Variants in PIK3C2B observed in about 807,000 individuals in gnomAD.
PIK3C2B encodes the protein phosphatidylinositol-4-phosphate 3-kinase catalytic subunit type 2 beta.
PIK3C2B carries 83 observed loss-of-function variants against 184.3 expected under a neutral mutation model. That is an observed-to-expected ratio of 0.45 (90% CI 0.38 to 0.54). The LOEUF (loss-of-function observed/expected upper bound fraction) is 0.54. Among genes scored for constraint, PIK3C2B ranks in the 20% least tolerant of loss-of-function variants. The pLI, the probability that PIK3C2B is intolerant of heterozygous loss-of-function variation, is 0.00. For synonymous variants in PIK3C2B, 779 were observed against 837.6 expected (o/e 0.93, Z 1.21); for missense variants, 1,736 against 2,113.5 (o/e 0.82, Z 3.50).
chr1:204,435,248 T>C (rs1186658492), intron 23 of PIK3C2B: 1 of 152,200 alleles, frequency 6.6e-6, no homozygotes, highest in Non-Finnish European at 1.5e-5. Context: ...TAGAGATATT[T>C]CTGAGTTTAA....
In PIK3C2B at chr1:204,447,672, C is replaced by T. The variant is rs1653997650; in HGVS notation, c.2347-94G>A. The T allele has an allele frequency of 1.2e-6, 1 of 853,656 alleles. No individual in the cohort carries two copies. The highest frequency in any genetic ancestry group is 1.9e-6 in the Non-Finnish European group (1 of 532,122). The allele number at this position is 853,656 out of a possible 1,614,324, so 52.9% of individuals were successfully genotyped here. ...CTCACCCCAGCATTCCGGCCTTGTCCCTCCCTCACTTTCCCTCAGGTTCTT... is the reference window on the plus strand; with the variant it reads ...CTCACCCCAGCATTCCGGCCTTGTCTCTCCCTCACTTTCCCTCAGGTTCTT... On this transcript the variant is annotated intron_variant, in intron 14 of 32. Transcript: ENST00000684373. This position sits in a 1 kb window ranked among gnomAD's most constrained non-coding sequence, Gnocchi z 4.1.
Position 204,455,880 on chromosome 1 carries a change from CGGTGG to C in PIK3C2B, c.1914_1918del (p.Arg640ProfsTer9). 1 of 1,612,466 alleles carries C rather than the reference CGGTGG, an allele frequency of 6.2e-7. No individual in the cohort carries two copies. Among genetic ancestry groups the C allele is most frequent in the Non-Finnish European group, 8.5e-7 (1 of 1,179,056 alleles). On this transcript the variant is annotated frameshift_variant, in exon 11 of 33. Transcript: ENST00000684373. LOFTEE classifies it high-confidence loss of function. ...CCTGGTAGCCCAGATGATGGGGATG[CGGTGG>C]GTGGCATAGACAGTGAAGGCCAGGG...
chr1:204,455,702 C>T (rs1368342048), intron 11 of PIK3C2B, among the ~76,000 whole-genome samples, 154 bp downstream of exon 11: 3 of 152,208 alleles, frequency 2.0e-5, no homozygotes, highest in Non-Finnish European at 4.4e-5. Flanking sequence ...TCCTCAGGCA[C>T]TTGGCTCACC....
intron 16 of PIK3C2B, 104 bp from the exon 17 acceptor site, chr1:204,444,528 A>C: frequency 1.3e-6 from 1 of 751,686 alleles, no homozygotes; most frequent in Non-Finnish European, 2.3e-6. Flanking sequence ...GAGAAAGAAA[A>C]TGCAATGGCC....
rs1653630103 is a variant in PIK3C2B at position 204,444,108 on chromosome 1, G to A, written c.2827C>T (p.Arg943Ter). 2.5e-6 allele frequency: 4 copies of A among 1,613,708 alleles called. No individual in the cohort carries two copies. Among genetic ancestry groups the A allele is most frequent in the Non-Finnish European group, 3.4e-6 (4 of 1,179,688 alleles). ...GTCACTCTCAAGTCAGACACAGCTC[G>A]TTTCAGGAGGAAGCGCACCAACGGG... The part of the protein sequence containing the change: ...DSPLVRFLLK[R>*]AVSDLRVTHY... The change falls in exon 18 of 33, where the codon CGA becomes TGA. Residue 943 changes from arginine to a stop codon, truncating the protein, a stop_gained. Transcript: ENST00000684373. LOFTEE classifies it high-confidence loss of function.
chr1:204,466,961 C>T (rs547113789), intron 2 of PIK3C2B: 60 of 529,930 alleles, frequency 1.1e-4, no homozygotes, highest in Middle Eastern at 6.5e-4. Flanking sequence ...TGGTATAGGC[C>T]GAGGGCCCAA....
intron 10 of PIK3C2B, 57 bp downstream of exon 10, chr1:204,456,979 GC>G: frequency 6.9e-7 from 1 of 1,453,668 alleles, no homozygotes; most frequent in Non-Finnish European, 9.4e-7. Flanking sequence ...AGGAATCGGG[GC>G]AGAGACTGCA....
chr1:204,449,767 G>T, intron 13 of PIK3C2B, 83 bp downstream of exon 13: 1 of 1,303,336 alleles, frequency 7.7e-7, no homozygotes, highest in Non-Finnish European at 1.0e-6. Flanking sequence ...AAGGCGCACT[G>T]GCCAGTGCAG....
intron 29 of PIK3C2B, 66 bp from the exon 30 acceptor site, chr1:204,428,286 G>T: frequency 1.1e-6 from 1 of 942,250 alleles, no homozygotes; most frequent in South Asian, 1.4e-5. Flanking sequence ...AAAGGAAGGG[G>T]ACTGTTCCAG....
At chr1:204,446,725 G>A (rs148547061) in intron 15 of PIK3C2B, among the ~76,000 whole-genome samples, 7 of 152,258 alleles carry the variant, frequency 4.6e-5, no homozygotes, top group South Asian at 2.1e-4. Flanking sequence ...AAGTGTAGTC[G>A]GCAGAGTGGG....
rs555941207 is a variant in PIK3C2B at position 204,492,115 on chromosome 1, G to A, written c.-85+2241C>T. Among the ~76,000 whole-genome samples, 148 of 152,166 alleles carry A rather than the reference G, an allele frequency of 9.7e-4. 1 individual carries two copies. Among genetic ancestry groups the A allele is most frequent in the Non-Finnish European group, 1.6e-3 (108 of 67,998 alleles). ...TCCCACCCTATCCCCATCCCTCACAGATCTCCCTCCCTTATGTGGGAGGCT... is the reference window on the plus strand; with the variant it reads ...TCCCACCCTATCCCCATCCCTCACAAATCTCCCTCCCTTATGTGGGAGGCT... On this transcript the variant is annotated intron_variant, in intron 1 of 32. Coordinates refer to ENST00000684373, the MANE Select transcript of PIK3C2B (RefSeq NM_001377334.1).
intron 1 of PIK3C2B, among the ~76,000 whole-genome samples, chr1:204,476,330 G>A (rs1032896775): frequency 2.6e-5 from 4 of 152,180 alleles, no homozygotes; most frequent in African/African-American, 9.6e-5. Flanking sequence ...CAAGGACTTT[G>A]GGAAGCCGAG....
Position 204,479,184 on chromosome 1 carries a change from A to G in PIK3C2B, c.-84-9298T>C, listed in dbSNP as rs541445047. ...GAAGAAAAGCTTTGGCAGTACGTGTATTTCTAACCCAGGAATCATCCCAGG... is the reference window on the plus strand; with the variant it reads ...GAAGAAAAGCTTTGGCAGTACGTGTGTTTCTAACCCAGGAATCATCCCAGG... On this transcript the variant is annotated intron_variant, in intron 1 of 32. Transcript: ENST00000684373. 9.2e-5 allele frequency among the ~76,000 whole-genome samples: 14 copies of G among 152,306 alleles called. No homozygotes were observed. In the South Asian group the frequency reaches 2.3e-3, roughly 25 times the overall value.
intron 1 of PIK3C2B, among the ~76,000 whole-genome samples, chr1:204,472,984 C>T (rs1397922700): frequency 6.6e-6 from 1 of 152,196 alleles, no homozygotes; most frequent in Non-Finnish European, 1.5e-5. Flanking sequence ...TTAGCATCAG[C>T]AGCCAAGAGG....
At chr1:204,476,128 G>T (rs1656689505) in intron 1 of PIK3C2B, among the ~76,000 whole-genome samples, 1 of 152,222 alleles carries the variant, frequency 6.6e-6, no homozygotes, top group Admixed American at 6.5e-5. Context: ...TTGAAACACA[G>T]CGACCTGGCT....
chr1:204,493,750 G>A (rs1658169874), intron 1 of PIK3C2B, among the ~76,000 whole-genome samples: 1 of 152,128 alleles, frequency 6.6e-6, no homozygotes, highest in Admixed American at 6.5e-5. Context: ...TGAAAATGAG[G>A]GACAAGTATA....
intron 23 of PIK3C2B, among the ~76,000 whole-genome samples, chr1:204,437,794 G>GA (rs1558237065): frequency 2.6e-5 from 4 of 152,192 alleles, no homozygotes; most frequent in Non-Finnish European, 4.4e-5. Flanking sequence ...GTTTCAAGAG[G>GA]CAAAGGAGAG....
At chr1:204,428,412 T>G (rs1442058611) in intron 29 of PIK3C2B, among the ~76,000 whole-genome samples, 192 bp from the exon 30 acceptor site, 2 of 152,242 alleles carry the variant, frequency 1.3e-5, no homozygotes, top group Admixed American at 6.5e-5. Context: ...ATTTTGAATA[T>G]GGACTATGGA....
chr1:204,486,265 C>A (rs1572405776), intron 1 of PIK3C2B, among the ~76,000 whole-genome samples: 1 of 151,764 alleles, frequency 6.6e-6, no homozygotes, highest in Non-Finnish European at 1.5e-5. Context: ...CATGGTGATG[C>A]GCGCCAGTAA....
Sources: gnomAD v4.1 joint callset for allele counts (sites outside exome capture counted in the v4.1 genomes callset) on GRCh38, gnomAD v4.1.1 for gene constraint, Gnocchi (gnomAD v3.1) non-coding constraint, MANE v1.5 for transcripts, NCBI Gene and HGNC (gene_info 2026-07-23, HGNC 2026-07-21) for gene names.